Variants in PDGFD observed in about 807,000 individuals in gnomAD.
The protein encoded by PDGFD is platelet-derived growth factor D.
In PDGFD, 30 loss-of-function variants were observed where a neutral mutation model predicts 44.7. That is an observed-to-expected ratio of 0.67 (90% CI 0.50 to 0.91). The LOEUF (loss-of-function observed/expected upper bound fraction) is 0.91. PDGFD is among the 40% of genes least tolerant of loss of function. PDGFD has a pLI of 0.00. For synonymous variants in PDGFD, 173 were observed against 168.4 expected, an observed-to-expected ratio of 1.03 and a Z score of -0.21; for missense variants, 445 against 457.8, an observed-to-expected ratio of 0.97 and a Z score of 0.25.
intron 1 of PDGFD, among the ~76,000 whole-genome samples, chr11:104,102,135 C>G (rs183777509): frequency 1.6e-3 from 241 of 152,292 alleles, no homozygotes; most frequent in African/African-American, 5.4e-3. Flanking sequence ...TAAGAGAGAA[C>G]AGGCAACCTA....
At chr11:104,100,750 C>A (rs1345834846) in intron 1 of PDGFD, among the ~76,000 whole-genome samples, 1 of 152,144 alleles carries the variant, frequency 6.6e-6, no homozygotes, top group East Asian at 1.9e-4. Context: ...AGCTTATCCA[C>A]CATGATCAAG....
At chr11:103,955,163 C>CAAAAAAAAA (rs539890054) in intron 3 of PDGFD, among the ~76,000 whole-genome samples, 5 of 58,410 alleles carry the variant, frequency 8.6e-5, no homozygotes, top group East Asian at 1.5e-3. Context: ...GACTCCGTCT[C>CAAAAAAAAA]AAAAAAAAAA....
At chr11:103,938,135 T>C (rs1479461929) in intron 5 of PDGFD, among the ~76,000 whole-genome samples, 2 of 151,976 alleles carry the variant, frequency 1.3e-5, no homozygotes, top group Non-Finnish European at 1.5e-5. Context: ...CCACACTGAC[T>C]TCCACAATGG....
intron 6 of PDGFD, among the ~76,000 whole-genome samples, chr11:103,914,556 TC>T (rs1340606196): frequency 8.3e-6 from 1 of 120,020 alleles, no homozygotes; most frequent in African/African-American, 3.2e-5. Flanking sequence ...CTGAAACTAT[TC>T]CAAAAAATAG....
chr11:104,008,104 A>G lies in PDGFD; in HGVS notation c.125-7849T>C, dbSNP rs142929587. Among the ~76,000 whole-genome samples the G allele has an allele frequency of 6.1e-3, 926 of 152,240 alleles. 11 individuals are homozygous for G. The highest frequency in any genetic ancestry group is 0.021 in the African/African-American group (872 of 41,526). On this transcript the variant is annotated intron_variant, in intron 1 of 6. Transcript: ENST00000393158. The stretch of plus-strand genomic sequence containing the variant: ...TTCAAGTCCTAGTAACTCTTCCCCT[A>G]TATTACAAACAGCAGCATTATTCAC...
chr11:104,151,133 T>G (rs1862239255), intron 1 of PDGFD, among the ~76,000 whole-genome samples: 1 of 151,582 alleles, frequency 6.6e-6, no homozygotes, highest in Admixed American at 6.6e-5. Context: ...GAAAGCTCGC[T>G]CTCTCTCTCT....
At chr11:104,032,445 T>C (rs745786657) in intron 1 of PDGFD, among the ~76,000 whole-genome samples, 20 of 152,158 alleles carry the variant, frequency 1.3e-4, no homozygotes, top group Non-Finnish European at 2.4e-4. Context: ...TACAAGCACA[T>C]ACTTAAAGGA....
At chr11:104,020,995 T>C (rs745892054) in intron 1 of PDGFD, among the ~76,000 whole-genome samples, 1 of 152,192 alleles carries the variant, frequency 6.6e-6, no homozygotes, top group Non-Finnish European at 1.5e-5. Flanking sequence ...CAAAACATAC[T>C]GCTTCCTTCA....
intron 6 of PDGFD, 30 bp from the exon 7 acceptor site, chr11:103,909,849 A>G (rs748151792): frequency 9.3e-6 from 15 of 1,613,734 alleles, no homozygotes; most frequent in Non-Finnish European, 9.3e-6. Context: ...TCCTGTTAGA[A>G]AGCCTTTGGA....
At chr11:104,018,939 A>T (rs1271425243) in intron 1 of PDGFD, among the ~76,000 whole-genome samples, 1 of 152,106 alleles carries the variant, frequency 6.6e-6, no homozygotes, top group Admixed American at 6.5e-5. Flanking sequence ...CTTCAGCCAC[A>T]ATGGCCTGGC....
At position 104,134,309 on chromosome 11, in the gene PDGFD, C is replaced by T. The variant is rs552525056; in HGVS notation, c.124+29495G>A. 1.9e-4 allele frequency among the ~76,000 whole-genome samples: 29 copies of T among 152,256 alleles called. 1 individual carries two copies. The South Asian group carries it at 5.8e-3, about 30-fold the overall frequency. On this transcript the variant is annotated intron_variant, in intron 1 of 6. Transcript: ENST00000393158. ...AAACACTAGCCTTAATTTTTTCCAG[C>T]TGCTAAGTGTCTCTAGAAAAGTACT... is the stretch of plus-strand genomic sequence containing the variant.
chr11:104,005,291 T>C (rs777298012), intron 1 of PDGFD, among the ~76,000 whole-genome samples: 4 of 152,212 alleles, frequency 2.6e-5, no homozygotes, highest in Non-Finnish European at 5.9e-5. Context: ...GGCTATCTGG[T>C]TCCAGAGTAG....
intron 1 of PDGFD, among the ~76,000 whole-genome samples, chr11:104,090,081 C>T (rs537552889): frequency 2.6e-4 from 39 of 152,142 alleles, no homozygotes; most frequent in African/African-American, 9.4e-4. Context: ...ATTACAGTGA[C>T]CTCTCTTCCT....
intron 1 of PDGFD, among the ~76,000 whole-genome samples, chr11:104,152,355 G>C (rs1375288702): frequency 1.3e-5 from 2 of 152,008 alleles, no homozygotes; most frequent in Non-Finnish European, 2.9e-5. Flanking sequence ...TACAGCAAAT[G>C]TACTTTTATA....
intron 1 of PDGFD, among the ~76,000 whole-genome samples, chr11:104,080,825 C>T (rs1175696672): frequency 6.6e-6 from 1 of 152,194 alleles, no homozygotes; most frequent in Non-Finnish European, 1.5e-5. Flanking sequence ...ATGAATTGCT[C>T]GCTCTGGTTG....
At chr11:104,082,702 A>T (rs147414784) in intron 1 of PDGFD, among the ~76,000 whole-genome samples, 1 of 152,154 alleles carries the variant, frequency 6.6e-6, no homozygotes, top group East Asian at 1.9e-4. Context: ...TGTGATCATA[A>T]CTCACTGCAG....
intron 1 of PDGFD, among the ~76,000 whole-genome samples, chr11:104,157,936 T>C (rs1862331423): frequency 6.6e-6 from 1 of 152,114 alleles, no homozygotes. Context: ...TATTTGTCAG[T>C]TAAAACTAAA....
At chr11:104,101,002 A>C (rs1420776748) in intron 1 of PDGFD, among the ~76,000 whole-genome samples, 1 of 152,206 alleles carries the variant, frequency 6.6e-6, no homozygotes, top group East Asian at 1.9e-4. Flanking sequence ...ATCATACTGA[A>C]TGGGCAAAAA....
chr11:104,045,782 C>T (rs74940646), intron 1 of PDGFD, among the ~76,000 whole-genome samples: 3,045 of 146,890 alleles, frequency 0.021, 331 homozygotes, highest in African/African-American at 0.071. Flanking sequence ...AAGGTCAAGA[C>T]GCAATGAACA....
Sources: allele counts gnomAD v4.1 joint callset (sites outside exome capture counted in the v4.1 genomes callset), GRCh38; gene constraint gnomAD v4.1.1; transcripts MANE v1.5; gene names NCBI Gene and HGNC (gene_info 2026-07-23, HGNC 2026-07-21).